The following CPXM2 variants were observed in gnomAD, a reference collection of about 807,000 sequenced individuals.
The protein encoded by CPXM2 is carboxypeptidase X, M14 family member 2, also known as inactive carboxypeptidase-like protein X2.
A neutral mutation model predicts 86.1 loss-of-function variants in CPXM2; 66 were observed. The ratio of observed to expected loss-of-function variants is 0.77; its 90% CI spans 0.63 to 0.94. The LOEUF is 0.94. Ranked by LOEUF, CPXM2 falls within the 40% of genes least tolerant of loss-of-function variation. The probability of loss-of-function intolerance (pLI) is 0.00; values close to 1 mark genes in which losing one functional copy is unlikely to be tolerated. For synonymous variants in CPXM2, 388 were observed against 400.2 expected (o/e 0.97, Z 0.36); for missense variants, 948 against 1,026.3 (o/e 0.92, Z 1.04).
chr10:123,789,791 A>G (rs1182913291), intron 6 of CPXM2, among the ~76,000 whole-genome samples: 5 of 152,174 alleles, frequency 3.3e-5, no homozygotes, highest in Non-Finnish European at 7.4e-5. Context: ...GTTGGACCAC[A>G]CAGTCTAAGC....
intron 13 of CPXM2, chr10:123,750,991 C>G: frequency 1.0e-6 from 1 of 985,418 alleles, no homozygotes; most frequent in Non-Finnish European, 1.2e-6. Context: ...CCCATGAGTG[C>G]TCAGGTCTGT....
At chr10:123,880,697 C>T (rs534857285) in intron 1 of CPXM2, among the ~76,000 whole-genome samples, 11 of 151,478 alleles carry the variant, frequency 7.3e-5, no homozygotes, top group South Asian at 4.2e-4. Flanking sequence ...GGCATGGTGG[C>T]GGGCACCTGT....
At chr10:123,886,212 G>C (rs1590102219) in intron 1 of CPXM2, among the ~76,000 whole-genome samples, 1 of 152,150 alleles carries the variant, frequency 6.6e-6, no homozygotes, top group Non-Finnish European at 1.5e-5. Flanking sequence ...TAATTGTTTA[G>C]GTATGCTAAT....
chr10:123,750,421 A>C (rs991888362), intron 13 of CPXM2: 262 of 980,474 alleles, frequency 2.7e-4, no homozygotes, highest in Non-Finnish European at 3.1e-4. Context: ...GAGCCTTTGC[A>C]ATTACTGTTC....
chr10:123,856,752 C>T (rs532010465), intron 3 of CPXM2, among the ~76,000 whole-genome samples: 4 of 152,204 alleles, frequency 2.6e-5, no homozygotes, highest in East Asian at 1.9e-4. Context: ...CCACCACGCC[C>T]GGCTAATTTT....
rs542948238 is a variant in CPXM2, at chr10:123,747,285, A to C, written c.2018-268T>G. On this transcript the variant is annotated intron_variant, in intron 13 of 13. Transcript: ENST00000241305. ...CAGGAGCAAAGCTGGAGAGCCGATC[A>C]CTAATGCTCTGTGACAATATGAGCC... is the stretch of plus-strand genomic sequence containing the variant. Among the ~76,000 whole-genome samples, 5 of 152,358 alleles carry C rather than the reference A, an allele frequency of 3.3e-5. No individual in the cohort carries two copies. The South Asian group carries it at 6.2e-4, about 19-fold the overall frequency.
At chr10:123,863,617 C>A (rs894121498) in intron 2 of CPXM2, among the ~76,000 whole-genome samples, 1 of 152,172 alleles carries the variant, frequency 6.6e-6, no homozygotes, top group Non-Finnish European at 1.5e-5. Context: ...CAGAAATGGA[C>A]CTCAAGTGGC....
intron 3 of CPXM2, among the ~76,000 whole-genome samples, chr10:123,858,862 T>C (rs1208795284): frequency 6.6e-6 from 1 of 152,194 alleles, no homozygotes; most frequent in Admixed American, 6.5e-5. Flanking sequence ...GGTAAGAATA[T>C]GCATTTGAGA....
At chr10:123,937,494 C>T (rs1455269690) in intron 2 of CPXM2, among the ~76,000 whole-genome samples, 2 of 149,962 alleles carry the variant, frequency 1.3e-5, no homozygotes, top group East Asian at 2.0e-4. Context: ...CACACACACA[C>T]ACACACACAC....
At chr10:123,910,030 C>T (rs765839715) in intron 2 of CPXM2, among the ~76,000 whole-genome samples, 4 of 152,176 alleles carry the variant, frequency 2.6e-5, no homozygotes, top group Non-Finnish European at 4.4e-5. Flanking sequence ...AGGCAGCGCC[C>T]GAACCCACAG....
Position 123,843,358 on chromosome 10 carries a change from C to A in CPXM2, c.514-870G>T, listed in dbSNP as rs752447187. The A allele has an allele frequency of 2.6e-4, 111 of 432,486 alleles. 1 individual carries two copies. Among genetic ancestry groups the A allele is most frequent in the Non-Finnish European group, 4.0e-4 (88 of 218,828 alleles). 26.8% of individuals were successfully genotyped at this position (432,486 alleles called of 1,614,324 possible). On this transcript the variant is annotated intron_variant, in intron 3 of 13. Coordinates refer to ENST00000241305, the MANE Select transcript of CPXM2 (RefSeq NM_198148.3). Reference sequence around the variant, plus strand: ...GATAATTCCCTGACTCCTCGCCTCCCAAAAAGGACATTTGAACCAAGTGAA... The same window carrying A: ...GATAATTCCCTGACTCCTCGCCTCCAAAAAAGGACATTTGAACCAAGTGAA...
chr10:123,842,548 T>C (rs1590057540), intron 3 of CPXM2, 60 bp from the exon 4 acceptor site: 11 of 1,542,144 alleles, frequency 7.1e-6, no homozygotes, highest in Non-Finnish European at 9.8e-6. Flanking sequence ...AATTAAGACA[T>C]ATCTTTTCCT....
Position 123,768,679 on chromosome 10 carries a change from C to A in CPXM2, c.1146G>T (p.Glu382Asp). The change falls in exon 9 of 14, where the codon GAG (glutamate) becomes GAT (aspartate). Residue 382 changes from glutamate (E) to aspartate (D), a missense_variant. Glu to Asp is a conservative substitution (Grantham distance 45). Transcript: ENST00000241305. ...GCAGCAGCAGCTCCCGGCCCAGCAC[C>A]TCATTGCCGTGGGCCCCCGCGATGT... Reference protein sequence around the residue: ...FHYIAGAHGNEVLGRELLLLL... With the variant: ...FHYIAGAHGNDVLGRELLLLL... 1 of 1,612,450 alleles carries A rather than the reference C, an allele frequency of 6.2e-7. No homozygotes were observed. The highest frequency in any genetic ancestry group is 8.5e-7 in the Non-Finnish European group (1 of 1,179,974).
At chr10:123,827,079 C>G (rs1848063402) in intron 4 of CPXM2, among the ~76,000 whole-genome samples, 1 of 152,166 alleles carries the variant, frequency 6.6e-6, no homozygotes, top group Non-Finnish European at 1.5e-5. Flanking sequence ...TCTTTTCAAG[C>G]ATTCGTGGAG....
At chr10:123,889,326 G>C (rs953590054) in intron 1 of CPXM2, among the ~76,000 whole-genome samples, 9 of 152,142 alleles carry the variant, frequency 5.9e-5, no homozygotes, top group African/African-American at 1.7e-4. Context: ...TCACCTCTTC[G>C]GGGAAGCATT....
chr10:123,867,651 GC>G (rs1242249525), intron 2 of CPXM2, among the ~76,000 whole-genome samples: 1 of 149,380 alleles, frequency 6.7e-6, no homozygotes, highest in Non-Finnish European at 1.5e-5. Context: ...TCCTGCTTCA[GC>G]CTCCCAAGTA....
intron 13 of CPXM2, among the ~76,000 whole-genome samples, chr10:123,747,674 A>T (rs901374535): frequency 6.6e-6 from 1 of 151,720 alleles, no homozygotes; most frequent in Non-Finnish European, 1.5e-5. Flanking sequence ...CCAGCCGATT[A>T]CCTCCCAGGC....
chr10:123,761,844 G>T (rs1157486417), intron 11 of CPXM2, 28 bp downstream of exon 11: 10 of 1,605,570 alleles, frequency 6.2e-6, no homozygotes, highest in South Asian at 1.1e-5. Context: ...TGCGCCCGCA[G>T]CCCACTCTCC....
intron 2 of CPXM2, among the ~76,000 whole-genome samples, chr10:123,919,214 A>C (rs1945561232): frequency 6.6e-6 from 1 of 152,244 alleles, no homozygotes; most frequent in African/African-American, 2.4e-5. Flanking sequence ...AGAGCCTTTG[A>C]AAATCAAACT....
Sources: gnomAD v4.1 joint callset for allele counts (sites outside exome capture counted in the v4.1 genomes callset) on GRCh38, gnomAD v4.1.1 for gene constraint, MANE v1.5 for transcripts, NCBI Gene and HGNC (gene_info 2026-07-23, HGNC 2026-07-21) for gene names.